Variants in INPP4B observed in about 807,000 individuals in gnomAD.
The protein encoded by INPP4B is inositol polyphosphate 4-phosphatase type II.
In INPP4B, 55 loss-of-function variants were observed where a neutral mutation model predicts 122.5. The ratio of observed to expected loss-of-function variants is 0.45; its 90% CI spans 0.36 to 0.56. The LOEUF is 0.56. Among genes scored for constraint, INPP4B ranks in the 20% least tolerant of loss-of-function variants. The pLI is 0.00. For missense variants in INPP4B, 1,000 were observed against 1,097.7 expected, an observed-to-expected ratio of 0.91 and a Z score of 1.26; for synonymous variants, 403 against 388.7, an observed-to-expected ratio of 1.04 and a Z score of -0.43.
chr4:142,799,354 A>G (rs893301220), intron 1 of INPP4B, among the ~76,000 whole-genome samples: 6 of 151,944 alleles, frequency 3.9e-5, no homozygotes, highest in African/African-American at 9.7e-5. Flanking sequence ...TGGAAAAATT[A>G]GACAATTCCA....
chr4:142,228,331 T>A lies in INPP4B; in HGVS notation c.836+9533A>T, dbSNP rs866079660. ...AATACAAATCAAATATATTACTTTTTTAAAAAAATGCAAAATCTATAGGAA... is the reference window on the plus strand; with the variant it reads ...AATACAAATCAAATATATTACTTTTATAAAAAAATGCAAAATCTATAGGAA... On this transcript the variant is annotated intron_variant, in intron 12 of 25. Coordinates refer to ENST00000262992, the MANE Select transcript of INPP4B (RefSeq NM_001101669.3). 2.8e-4 allele frequency among the ~76,000 whole-genome samples: 43 copies of A among 152,194 alleles called. No individual in the cohort carries two copies. In the Middle Eastern group the frequency reaches 0.01, roughly 36 times the overall value.
chr4:142,742,894 T>C (rs1348634049), intron 1 of INPP4B, among the ~76,000 whole-genome samples: 1 of 151,970 alleles, frequency 6.6e-6, no homozygotes, highest in Non-Finnish European at 1.5e-5. Flanking sequence ...AGTTATAATA[T>C]CTTGCAATAC....
intron 1 of INPP4B, among the ~76,000 whole-genome samples, chr4:142,741,624 TTAAA>T (rs1278823358): frequency 6.6e-6 from 1 of 151,930 alleles, no homozygotes; most frequent in African/African-American, 2.4e-5. Context: ...AAATTAAAAA[TTAAA>T]TAAATAAATT....
intron 1 of INPP4B, among the ~76,000 whole-genome samples, chr4:142,770,095 C>T (rs556359945): frequency 1.1e-4 from 17 of 152,028 alleles, no homozygotes; most frequent in East Asian, 9.7e-4. Context: ...TCTGGTATGA[C>T]GTGTGGTGTG....
At chr4:142,160,702 T>C in intron 16 of INPP4B, 141 bp from the exon 17 acceptor site, 1 of 554,738 alleles carries the variant, frequency 1.8e-6, no homozygotes, top group East Asian at 2.8e-5. Context: ...AGAAAATGAT[T>C]CATACCAATC....
chr4:142,335,341 G>A (rs564773642), intron 7 of INPP4B, among the ~76,000 whole-genome samples: 9 of 152,078 alleles, frequency 5.9e-5, no homozygotes, highest in African/African-American at 1.2e-4. Context: ...CTTCTCTAAC[G>A]TCAGTTCTGG....
Position 142,338,874 on chromosome 4 carries a change from AC to A in INPP4B, c.373-24113del, listed in dbSNP as rs113843647. Among the ~76,000 whole-genome samples, 872 of 152,244 alleles carry A rather than the reference AC, an allele frequency of 5.7e-3. 9 individuals are homozygous for A. The highest frequency in any genetic ancestry group is 0.02 in the African/African-American group (829 of 41,540). On this transcript the variant is annotated intron_variant, in intron 7 of 25. Transcript: ENST00000262992. ...TGCCACTGGAGCACGGGCTCTGTGA[AC>A]TACCTCAACAGGCTTCCTTGTCCTC...
chr4:142,730,085 T>C (rs1379905456), intron 1 of INPP4B, among the ~76,000 whole-genome samples: 1 of 152,120 alleles, frequency 6.6e-6, no homozygotes, highest in Non-Finnish European at 1.5e-5. Context: ...TCCTTGTGTA[T>C]ATTTCGAGTA....
intron 2 of INPP4B, among the ~76,000 whole-genome samples, chr4:142,623,161 G>A (rs184541762): frequency 4.0e-5 from 6 of 151,868 alleles, no homozygotes; most frequent in South Asian, 2.1e-4. Context: ...TATCACAGTC[G>A]CAAATATACA....
At position 142,609,505 on chromosome 4, in the gene INPP4B, G is replaced by A. The variant is rs1348034600; in HGVS notation, c.-191+116334C>T. On this transcript the variant is annotated intron_variant, in intron 2 of 25. Coordinates refer to ENST00000262992, the MANE Select transcript of INPP4B (RefSeq NM_001101669.3). ...CTTTTCTCAAAAGATTACCATGTTA[G>A]CCTCACATTGGTGGATATCATATCA... Among the ~76,000 whole-genome samples the A allele has an allele frequency of 3.3e-5, 5 of 151,968 alleles. No individual in the cohort carries two copies. In the East Asian group the frequency reaches 9.7e-4, roughly 29 times the overall value.
rs117715071 is a variant in INPP4B at position 142,223,149 on chromosome 4, C to A, written c.837-14123G>T. Among the ~76,000 whole-genome samples, 607 of 151,926 alleles carry A rather than the reference C, an allele frequency of 4.0e-3. 32 individuals carry two copies. In the East Asian group the frequency reaches 0.099, roughly 25 times the overall value. ...ATATAGCTATTAAGTGGCTTTGGGGCAGCCAGGTTTCAAACCCAGGGCTGT... is the reference window on the plus strand; with the variant it reads ...ATATAGCTATTAAGTGGCTTTGGGGAAGCCAGGTTTCAAACCCAGGGCTGT... On this transcript the variant is annotated intron_variant, in intron 12 of 25. Coordinates refer to ENST00000262992, the MANE Select transcript of INPP4B (RefSeq NM_001101669.3).
intron 1 of INPP4B, among the ~76,000 whole-genome samples, chr4:142,800,740 T>A (rs1165796457): frequency 6.6e-6 from 1 of 152,192 alleles, no homozygotes; most frequent in Non-Finnish European, 1.5e-5. Flanking sequence ...TGTTAATTAC[T>A]TGTGTGTTAC....
chr4:142,030,288 C>G, intron 25 of INPP4B: 1 of 1,535,016 alleles, frequency 6.5e-7, no homozygotes, highest in Non-Finnish European at 8.7e-7. Flanking sequence ...ATTCAGTGCT[C>G]CCTGGGTTTG....
At chr4:142,437,900 A>C (rs1315637353) in intron 3 of INPP4B, among the ~76,000 whole-genome samples, 1 of 152,210 alleles carries the variant, frequency 6.6e-6, no homozygotes, top group African/African-American at 2.4e-5. Flanking sequence ...TAGCAACCAA[A>C]AAAAGCCCAG....
At chr4:142,762,035 C>T (rs2150976114) in intron 1 of INPP4B, among the ~76,000 whole-genome samples, 1 of 152,180 alleles carries the variant, frequency 6.6e-6, no homozygotes. Context: ...TAACTTGAGG[C>T]CATGGCTTGG....
chr4:142,716,341 T>C (rs1409994591), intron 2 of INPP4B, among the ~76,000 whole-genome samples: 1 of 152,236 alleles, frequency 6.6e-6, no homozygotes, highest in East Asian at 1.9e-4. Flanking sequence ...ATTAGCAAGC[T>C]ATAGGCTTCA....
At chr4:142,677,052 T>C (rs548956237) in intron 2 of INPP4B, among the ~76,000 whole-genome samples, 7 of 151,822 alleles carry the variant, frequency 4.6e-5, no homozygotes, top group Non-Finnish European at 8.8e-5. Flanking sequence ...AGAGTGAACA[T>C]GCAATCTACA....
At chr4:142,837,891 C>G (rs1782994537) in intron 1 of INPP4B, among the ~76,000 whole-genome samples, 1 of 151,942 alleles carries the variant, frequency 6.6e-6, no homozygotes, top group Non-Finnish European at 1.5e-5. Flanking sequence ...AGAAAATATC[C>G]ATCACAGTGT....
intron 24 of INPP4B, 122 bp downstream of exon 24, chr4:142,086,022 A>G (rs1050525982): frequency 1.5e-6 from 1 of 687,398 alleles, no homozygotes. Context: ...TAATCCATGG[A>G]CTAATAGAAG....
Sources: allele counts gnomAD v4.1 joint callset (sites outside exome capture counted in the v4.1 genomes callset), GRCh38; gene constraint gnomAD v4.1.1; transcripts MANE v1.5; gene names NCBI Gene and HGNC (gene_info 2026-07-23, HGNC 2026-07-21).